Variants in MTM1 observed in about 807,000 individuals in gnomAD.
MTM1 encodes myotubularin 1, also known as myotubularin.
MTM1 carries 9 observed loss-of-function variants against 52.1 expected under a neutral mutation model. That is an observed-to-expected ratio of 0.17 (90% CI 0.10 to 0.30). The LOEUF is 0.30. MTM1 is among the 10% of genes least tolerant of loss of function. The pLI is 1.00. For missense variants in MTM1, 277 were observed against 470.7 expected, an observed-to-expected ratio of 0.59 and a Z score of 3.81; for synonymous variants, 136 against 163.8, an observed-to-expected ratio of 0.83 and a Z score of 1.29.
chrX:150,580,594 A>G (rs1382230252), intron 1 of MTM1, among the ~76,000 whole-genome samples: 2 of 110,291 alleles, frequency 1.8e-5, no homozygotes, highest in African/African-American at 6.6e-5. Flanking sequence ...AATAGTGCCA[A>G]GTTATAAAAA....
intron 1 of MTM1, among the ~76,000 whole-genome samples, chrX:150,574,408 C>T (rs1557411561): frequency 2.7e-5 from 3 of 110,527 alleles, no homozygotes; most frequent in Non-Finnish European, 5.7e-5. Context: ...ATGAGGCCCC[C>T]GGGTGATTTT....
At chrX:150,576,092 C>T (rs1371921582) in intron 1 of MTM1, among the ~76,000 whole-genome samples, 1 of 112,069 alleles carries the variant, frequency 8.9e-6, no homozygotes, top group East Asian at 2.8e-4. Flanking sequence ...CATGTTCTTT[C>T]TTACTGCTGG....
rs73250563 is a variant in MTM1, at chrX:150,638,926, T to G, written c.445-17T>G. 11 of 1,131,406 alleles carry G rather than the reference T, an allele frequency of 9.7e-6. No individual in the cohort carries two copies. Among genetic ancestry groups the G allele is most frequent in the African/African-American group, 5.4e-5 (3 of 55,850 alleles). The allele number at this position is 1,131,406 out of a possible 1,213,427, so 93.2% of individuals were successfully genotyped here. On this transcript the variant is annotated splice_polypyrimidine_tract_variant and intron_variant, in intron 6 of 14. Coordinates refer to ENST00000370396, the MANE Select transcript of MTM1 (RefSeq NM_000252.3). ...GTTCCTTCACGCTGAACTTTATTTA[T>G]TTTTTGCCTTTTCTAGCCATTATTT...
chrX:150,671,731 A>G lies in MTM1; in HGVS notation c.*136A>G, dbSNP rs2040400845. The G allele has an allele frequency of 1.5e-6, 1 of 679,886 alleles. No individual in the cohort carries two copies. Among genetic ancestry groups the G allele is most frequent in the Non-Finnish European group, 2.2e-6 (1 of 449,196 alleles). 56.0% of individuals were successfully genotyped at this position (679,886 alleles called of 1,213,427 possible). ...CTAACATAATCTTAAACTCTTGAAT[A>G]TGTGCCTTCTAGAATACATATTACA... is the stretch of plus-strand genomic sequence containing the variant. On this transcript the variant is annotated 3_prime_UTR_variant, in exon 15 of 15. Coordinates refer to ENST00000370396, the MANE Select transcript of MTM1 (RefSeq NM_000252.3).
At chrX:150,639,860 G>A (rs1216090160) in intron 7 of MTM1, among the ~76,000 whole-genome samples, 1 of 112,375 alleles carries the variant, frequency 8.9e-6, no homozygotes, top group African/African-American at 3.2e-5. Flanking sequence ...AAGTAAAATC[G>A]TAGAACCCTA....
At chrX:150,588,604 AAG>A (rs1288329729) in intron 1 of MTM1, among the ~76,000 whole-genome samples, 7 of 111,890 alleles carry the variant, frequency 6.3e-5, no homozygotes, top group African/African-American at 2.3e-4. Flanking sequence ...GGCGCGGTGA[AAG>A]AGGTTTTTGT....
chrX:150,633,543 A>AT (rs1337278846), intron 6 of MTM1, among the ~76,000 whole-genome samples: 4 of 112,131 alleles, frequency 3.6e-5, no homozygotes, highest in African/African-American at 1.3e-4. Context: ...TAATGAAAGC[A>AT]TTTTTTTCTT....
At chrX:150,611,079 G>A (rs1407946373) in intron 4 of MTM1, among the ~76,000 whole-genome samples, 3 of 111,613 alleles carry the variant, frequency 2.7e-5, no homozygotes, top group Non-Finnish European at 3.8e-5. Context: ...CTGTTACTGA[G>A]TAGTATTTTT....
At chrX:150,573,157 A>G (rs1177404027) in intron 1 of MTM1, among the ~76,000 whole-genome samples, 1 of 112,687 alleles carries the variant, frequency 8.9e-6, no homozygotes, top group Non-Finnish European at 1.9e-5. Context: ...TTCACACATG[A>G]TCATTGTAAC....
chrX:150,670,808 A>C (rs782786934), intron 14 of MTM1, among the ~76,000 whole-genome samples: 46 of 111,759 alleles, frequency 4.1e-4, no homozygotes, highest in Non-Finnish European at 7.9e-4. Context: ...TACTCAGTAC[A>C]GCATTGAACA....
chrX:150,607,316 C>T (rs922696248), intron 4 of MTM1, among the ~76,000 whole-genome samples: 1 of 111,103 alleles, frequency 9.0e-6, no homozygotes, highest in Non-Finnish European at 1.9e-5. Flanking sequence ...TTGAAAACAC[C>T]TTCTTGTATT....
chrX:150,603,654 A>G (rs782075283), intron 4 of MTM1, among the ~76,000 whole-genome samples: 49 of 111,991 alleles, frequency 4.4e-4, no homozygotes, highest in African/African-American at 1.5e-3. Flanking sequence ...TATGTTGTAG[A>G]TAAGCCCAAT....
chrX:150,673,045 T>TC lies in MTM1; in HGVS notation c.*1450_*1451insC, dbSNP rs2040417803. 1 of 112,461 alleles carries TC rather than the reference T, an allele frequency of 8.9e-6. No individual in the cohort carries two copies. The highest frequency in any genetic ancestry group is 3.2e-5 in the African/African-American group (1 of 31,014). The allele number at this position is 112,461 out of a possible 1,213,427, so 9.3% of individuals were successfully genotyped here. On this transcript the variant is annotated 3_prime_UTR_variant, in exon 15 of 15. Transcript: ENST00000370396. ...TGTCACTCCATAAAAAGAAAGCTAA[T>TC]ACTAATAGCCTAAAAGATTTTGTGA...
At chrX:150,635,478 G>A (rs2095253057) in intron 6 of MTM1, among the ~76,000 whole-genome samples, 1 of 112,064 alleles carries the variant, frequency 8.9e-6, no homozygotes, top group African/African-American at 3.2e-5. Flanking sequence ...GTAAATGACA[G>A]CTAAAAACCT....
intron 6 of MTM1, among the ~76,000 whole-genome samples, chrX:150,623,386 T>C (rs2148467028): frequency 9.0e-6 from 1 of 110,600 alleles, no homozygotes; most frequent in East Asian, 2.8e-4. Context: ...GCATACGTTT[T>C]TGTTTTTTGG....
upstream of MTM1, among the ~76,000 whole-genome samples, chrX:150,565,518 A>C (rs2038250958): frequency 8.9e-6 from 1 of 111,869 alleles, no homozygotes; most frequent in South Asian, 3.7e-4. Flanking sequence ...TGGTAGGATT[A>C]AGTTGAGGCA....
intron 14 of MTM1, among the ~76,000 whole-genome samples, chrX:150,668,028 G>A (rs1405510668): frequency 8.9e-6 from 1 of 112,294 alleles, no homozygotes; most frequent in African/African-American, 3.2e-5. Flanking sequence ...AATGACAGAT[G>A]TCCTCCTAAG....
At chrX:150,642,823 A>G (rs1268542244) in intron 8 of MTM1, among the ~76,000 whole-genome samples, 1 of 111,948 alleles carries the variant, frequency 8.9e-6, no homozygotes, top group East Asian at 2.8e-4. Context: ...AAATTGAACA[A>G]CTGTGCCCTT....
At chrX:150,599,623 T>G (rs1392917141) in intron 4 of MTM1, among the ~76,000 whole-genome samples, 1 of 112,169 alleles carries the variant, frequency 8.9e-6, no homozygotes, top group Non-Finnish European at 1.9e-5. Context: ...TCTTTTTTTC[T>G]TTTATGGTGT....
Sources: gnomAD v4.1 joint callset for allele counts (sites outside exome capture counted in the v4.1 genomes callset) on GRCh38, gnomAD v4.1.1 for gene constraint, MANE v1.5 for transcripts, NCBI Gene and HGNC (gene_info 2026-07-23, HGNC 2026-07-21) for gene names.